The following CNTN4 variants were observed in gnomAD, a reference collection of about 807,000 sequenced individuals.
CNTN4 encodes the protein contactin 4.
Under a neutral mutation model 122.5 loss-of-function variants are expected in CNTN4, and 77 were observed. That is an observed-to-expected ratio of 0.63 (90% CI 0.52 to 0.76). The LOEUF is 0.76. CNTN4 is among the 30% of genes least tolerant of loss of function. CNTN4 has a pLI of 0.00. For missense variants in CNTN4, 1,256 were observed against 1,259.1 expected (o/e 1.00, Z 0.04); for synonymous variants, 512 against 447.0 (o/e 1.15, Z -1.83).
intron 4 of CNTN4, among the ~76,000 whole-genome samples, chr3:2,679,458 A>G (rs2085048520): frequency 6.6e-6 from 1 of 152,186 alleles, no homozygotes; most frequent in African/African-American, 2.4e-5. Context: ...CACTCTGGTC[A>G]TTCAGCGCAT....
rs377237611 is a variant in CNTN4, at chr3:2,524,285, G to A, written c.-88-47131G>A. On this transcript the variant is annotated intron_variant, in intron 3 of 24. Coordinates refer to ENST00000418658, the MANE Select transcript of CNTN4 (RefSeq NM_175607.3). ...TCTTGCTTGGCATCCTATTTTCAAA[G>A]TTTAGCCATATTGTCGTGTGCATCA... 4.5e-4 allele frequency among the ~76,000 whole-genome samples: 69 copies of A among 152,124 alleles called. 2 individuals carry two copies. The highest frequency in any genetic ancestry group is 1.5e-3 in the African/African-American group (62 of 41,524).
intron 7 of CNTN4, among the ~76,000 whole-genome samples, chr3:2,855,590 CT>C (rs2093609541): frequency 6.6e-6 from 1 of 152,164 alleles, no homozygotes. Flanking sequence ...TTTAACTTTC[CT>C]TGTGCATAGA....
intron 8 of CNTN4, among the ~76,000 whole-genome samples, chr3:2,880,460 G>C (rs1049207831): frequency 1.3e-5 from 2 of 152,216 alleles, no homozygotes; most frequent in African/African-American, 4.8e-5. Context: ...TCATACTACT[G>C]ATATTTATGG....
chr3:2,434,684 T>C (rs2048196742), intron 3 of CNTN4, among the ~76,000 whole-genome samples: 1 of 152,210 alleles, frequency 6.6e-6, no homozygotes. Flanking sequence ...AGGCACTTTA[T>C]ATTGGAGGTG....
In CNTN4 at chr3:2,277,997, C is replaced by T. The variant is rs1259516740; in HGVS notation, c.-144-61181C>T. Among the ~76,000 whole-genome samples, 4 of 152,082 alleles carry T rather than the reference C, an allele frequency of 2.6e-5. No individual in the cohort carries two copies. In the East Asian group the frequency reaches 7.7e-4, roughly 29 times the overall value. On this transcript the variant is annotated intron_variant, in intron 2 of 24. Transcript: ENST00000418658. ...AGAGACTAAATTTGAGGACCAATCC[C>T]TTCAGAAGGTTGCAACTTGTAAAGT...
intron 2 of CNTN4, among the ~76,000 whole-genome samples, chr3:2,205,579 G>T (rs943088970): frequency 1.3e-5 from 2 of 151,876 alleles, no homozygotes; most frequent in Non-Finnish European, 2.9e-5. Flanking sequence ...CTCCCAAAGG[G>T]CAGAGATGAT....
chr3:2,322,284 C>G (rs376948494), intron 2 of CNTN4, among the ~76,000 whole-genome samples: 1 of 152,100 alleles, frequency 6.6e-6, no homozygotes, highest in Non-Finnish European at 1.5e-5. Context: ...AAGGTAGAAA[C>G]AACCCACATG....
chr3:2,810,277 T>C (rs1425164863), intron 6 of CNTN4, among the ~76,000 whole-genome samples: 2 of 152,198 alleles, frequency 1.3e-5, no homozygotes, highest in Non-Finnish European at 2.9e-5. Flanking sequence ...AATTGTGTCA[T>C]TTAGCTAAGC....
At chr3:2,432,271 G>T (rs1448366035) in intron 3 of CNTN4, among the ~76,000 whole-genome samples, 1 of 152,114 alleles carries the variant, frequency 6.6e-6, no homozygotes, top group Non-Finnish European at 1.5e-5. Flanking sequence ...GCATTCATGT[G>T]TCCAATAAAA....
chr3:2,725,249 C>T (rs896405944), intron 4 of CNTN4, among the ~76,000 whole-genome samples: 24 of 152,252 alleles, frequency 1.6e-4, no homozygotes, highest in African/African-American at 5.5e-4. Context: ...TCTATGCCCT[C>T]CTTAAATAGT....
intron 4 of CNTN4, among the ~76,000 whole-genome samples, chr3:2,649,903 C>A (rs866563318): frequency 2.0e-5 from 3 of 151,314 alleles, no homozygotes; most frequent in African/African-American, 7.3e-5. Flanking sequence ...CTGAGGCAGG[C>A]GGATCACTTG....
At chr3:2,136,165 G>A (rs1331562534) in intron 2 of CNTN4, among the ~76,000 whole-genome samples, 5 of 152,150 alleles carry the variant, frequency 3.3e-5, no homozygotes, top group Admixed American at 6.5e-5. Context: ...GTAATCCCAC[G>A]TTCTTGGTCA....
At chr3:2,766,224 C>A (rs911186802) in intron 6 of CNTN4, among the ~76,000 whole-genome samples, 1 of 152,196 alleles carries the variant, frequency 6.6e-6, no homozygotes, top group Non-Finnish European at 1.5e-5. Flanking sequence ...CACCTTTCTC[C>A]TGATCGCATC....
At chr3:2,269,240 A>G (rs945864549) in intron 2 of CNTN4, among the ~76,000 whole-genome samples, 2 of 152,154 alleles carry the variant, frequency 1.3e-5, no homozygotes, top group Non-Finnish European at 2.9e-5. Flanking sequence ...TTTGGTGGTG[A>G]TTGCACAAAT....
chr3:3,048,499 TC>T (rs1700907926), intron 23 of CNTN4, among the ~76,000 whole-genome samples: 2 of 127,244 alleles, frequency 1.6e-5, no homozygotes, highest in Admixed American at 8.5e-5. Flanking sequence ...TAACTCTCTC[TC>T]TTTCTCTCTC....
chr3:2,775,075 C>T (rs2091262485), intron 6 of CNTN4, among the ~76,000 whole-genome samples: 1 of 152,220 alleles, frequency 6.6e-6, no homozygotes, highest in Admixed American at 6.5e-5. Flanking sequence ...CATGACTTTC[C>T]AGCAGACATA....
intron 2 of CNTN4, among the ~76,000 whole-genome samples, chr3:2,177,528 T>C (rs1222177441): frequency 6.6e-6 from 1 of 152,100 alleles, no homozygotes; most frequent in Non-Finnish European, 1.5e-5. Flanking sequence ...ATGCCTGTGC[T>C]GTCTGTGCCA....
intron 4 of CNTN4, among the ~76,000 whole-genome samples, chr3:2,719,432 C>T (rs1040101092): frequency 2.0e-5 from 3 of 151,998 alleles, no homozygotes; most frequent in Admixed American, 6.6e-5. Context: ...GTAGCTGGGA[C>T]TGCAGGAATG....
chr3:2,364,631 C>T (rs1341596026), intron 3 of CNTN4, among the ~76,000 whole-genome samples: 1 of 151,614 alleles, frequency 6.6e-6, no homozygotes, highest in East Asian at 1.9e-4. Context: ...GCAGGCCTTG[C>T]GCATGAAGCA....
Sources: allele counts gnomAD v4.1 joint callset (sites outside exome capture counted in the v4.1 genomes callset), GRCh38; gene constraint gnomAD v4.1.1; transcripts MANE v1.5; gene names NCBI Gene and HGNC (gene_info 2026-07-23, HGNC 2026-07-21).